Variants in ADAM11 observed in about 807,000 individuals in gnomAD.
ADAM11 encodes ADAM metallopeptidase domain 11, also known as disintegrin and metalloproteinase domain-containing protein 11.
Under a neutral mutation model 119.1 loss-of-function variants are expected in ADAM11, and 49 were observed. The observed-to-expected ratio is 0.41, with a 90% CI of 0.33 to 0.52. The LOEUF (loss-of-function observed/expected upper bound fraction) is 0.52, where lower values mean the gene tolerates loss of function less well. Among genes scored for constraint, ADAM11 ranks in the 20% least tolerant of loss-of-function variants. The pLI is 0.20. For missense variants in ADAM11, 777 were observed against 1,047.5 expected (o/e 0.74, Z 3.56); for synonymous variants, 364 against 408.0 (o/e 0.89, Z 1.30).
chr17:44,761,170 C>A (rs2049384606), intron 2 of ADAM11, among the ~76,000 whole-genome samples: 1 of 126,148 alleles, frequency 7.9e-6, no homozygotes, highest in African/African-American at 2.5e-5. Flanking sequence ...GAACTGTGCA[C>A]CCCGTGGTTA....
Position 44,775,510 on chromosome 17 carries a change from G to T in ADAM11, c.1392+45G>T. On this transcript the variant is annotated intron_variant, in intron 16 of 26. Coordinates refer to ENST00000200557, the MANE Select transcript of ADAM11 (RefSeq NM_002390.6). The surrounding 1 kb of genome is among the most constrained non-coding windows in gnomAD (Gnocchi z 7.5). ...CCAGGTGGGGAACCGGGATGCGGGG[G>T]TGGGCACGAGGGAGCGTCTGAGTGG... 1 of 1,583,446 alleles carries T rather than the reference G, an allele frequency of 6.3e-7. No individual in the cohort carries two copies. The highest frequency in any genetic ancestry group is 2.3e-5 in the East Asian group (1 of 43,792).
In ADAM11 at chr17:44,778,176, T is replaced by A. The variant is rs2049632519; in HGVS notation, c.2210T>A (p.Ile737Asn). The change falls in exon 25 of 27, where the codon ATT (isoleucine) becomes AAT (asparagine). Residue 737 changes from isoleucine to asparagine, a missense_variant. Transcript: ENST00000200557. Reference protein sequence around the residue: ...YKGPSGTNIIIGSIAGAVLVA... With the variant: ...YKGPSGTNIINGSIAGAVLVA... ...GGTCCCAGCGGCACCAACATCATCATTGGCTCCATTGCTGGGGCTGTCCTG... is the reference window on the plus strand; with the variant it reads ...GGTCCCAGCGGCACCAACATCATCAATGGCTCCATTGCTGGGGCTGTCCTG... 6.2e-7 allele frequency: 1 copy of A among 1,613,702 alleles called. No individual in the cohort carries two copies. Among genetic ancestry groups the A allele is most frequent in the African/African-American group, 1.3e-5 (1 of 74,952 alleles).
At chr17:44,778,473 C>T (rs2049638113) in intron 25 of ADAM11, among the ~76,000 whole-genome samples, 1 of 152,042 alleles carries the variant, frequency 6.6e-6, no homozygotes, top group African/African-American at 2.4e-5. Flanking sequence ...AGGCGGATCA[C>T]CTGAGGTCAG....
intron 26 of ADAM11, 179 bp from the exon 27 acceptor site, chr17:44,779,560 G>A (rs1001185714): frequency 1.6e-5 from 16 of 985,262 alleles, no homozygotes; most frequent in South Asian, 4.7e-5. Context: ...CTCCCTGTGC[G>A]TCCCATCTGT....
In ADAM11 at chr17:44,780,186, A is replaced by G. The variant is rs999759647; in HGVS notation, c.*432A>G. On this transcript the variant is annotated 3_prime_UTR_variant, in exon 27 of 27. Transcript: ENST00000200557. ...CTAGGGGGACGGGGCTGACATCTAC[A>G]TTTTTTAAAACTGAATCTTAATCGA... is the stretch of plus-strand genomic sequence containing the variant. 2 of 493,684 alleles carry G rather than the reference A, an allele frequency of 4.1e-6. No homozygotes were observed. Among genetic ancestry groups the G allele is most frequent in the Non-Finnish European group, 7.8e-6 (2 of 256,950 alleles). 30.6% of individuals were successfully genotyped at this position (493,684 alleles called of 1,614,324 possible).
Position 44,759,945 on chromosome 17 carries a change from GC to G in ADAM11, c.237+52del, listed in dbSNP as rs764677703. Reference sequence around the variant, plus strand: ...GCCAGGGGCTGAAGCAGGCCTCAGAGCCCCAGGAAGCCCACGGGGTAACCAG... The same window carrying G: ...GCCAGGGGCTGAAGCAGGCCTCAGAGCCCAGGAAGCCCACGGGGTAACCAG... On this transcript the variant is annotated intron_variant, in intron 2 of 26. Transcript: ENST00000200557. 24 of 1,250,294 alleles carry G rather than the reference GC, an allele frequency of 1.9e-5. No homozygotes were observed. The East Asian group carries it at 7.2e-4, about 38-fold the overall frequency. 77.5% of individuals were successfully genotyped at this position (1,250,294 alleles called of 1,614,324 possible).
At chr17:44,771,050 G>A (rs969724123) in intron 4 of ADAM11, among the ~76,000 whole-genome samples, 1 of 152,136 alleles carries the variant, frequency 6.6e-6, no homozygotes, top group Non-Finnish European at 1.5e-5. Context: ...GGAGGCGGAG[G>A]TTGCAGTGAG....
chr17:44,764,163 T>C (rs897432222), intron 2 of ADAM11, among the ~76,000 whole-genome samples: 4 of 152,094 alleles, frequency 2.6e-5, no homozygotes, highest in African/African-American at 4.8e-5. Context: ...ACCTGGTACA[T>C]AGAAGCTCAT....
Position 44,777,481 on chromosome 17 carries a change from G to T in ADAM11, c.1782-1G>T. The T allele has an allele frequency of 6.2e-7, 1 of 1,614,118 alleles. No individual in the cohort carries two copies. Among genetic ancestry groups the T allele is most frequent in the Non-Finnish European group, 8.5e-7 (1 of 1,179,976 alleles). On this transcript the variant is annotated splice_acceptor_variant, in intron 21 of 26. Transcript: ENST00000200557. LOFTEE classifies it high-confidence loss of function. The surrounding 1 kb of genome is among the most constrained non-coding windows in gnomAD (Gnocchi z 5.1). Reference sequence around the variant, plus strand: ...CTCACTGTCTCTATATGCCCCAACAGGGACGTGCTGTGTGGCTTCCTCCTC... The same window carrying T: ...CTCACTGTCTCTATATGCCCCAACATGGACGTGCTGTGTGGCTTCCTCCTC...
chr17:44,770,337 C>G (rs369790922), intron 4 of ADAM11, among the ~76,000 whole-genome samples: 1 of 152,326 alleles, frequency 6.6e-6, no homozygotes, highest in Middle Eastern at 3.4e-3. Context: ...AGGAATCCCC[C>G]TCTCCAGACT....
At chr17:44,779,503 G>A in intron 26 of ADAM11, 1 of 985,400 alleles carries the variant, frequency 1.0e-6, no homozygotes, top group South Asian at 4.7e-5. Flanking sequence ...CTGCCACCAG[G>A]TGGAACTGGA....
In ADAM11 at chr17:44,779,732, G is replaced by T; in HGVS notation, c.2295-7G>T. 1 of 1,596,052 alleles carries T rather than the reference G, an allele frequency of 6.3e-7. No homozygotes were observed. The highest frequency in any genetic ancestry group is 8.5e-7 in the Non-Finnish European group (1 of 1,175,216). On this transcript the variant is annotated splice_polypyrimidine_tract_variant and splice_region_variant and intron_variant, in intron 26 of 26. Coordinates refer to ENST00000200557, the MANE Select transcript of ADAM11 (RefSeq NM_002390.6). ...CGTCCTCCCCTGATGCCCCCTCTCC[G>T]TTCCAGGTCCGGAGGGGCCTAAGTG...
chr17:44,776,296 T>TC lies in ADAM11; in HGVS notation c.1566+93dup. On this transcript the variant is annotated intron_variant, in intron 18 of 26. Coordinates refer to ENST00000200557, the MANE Select transcript of ADAM11 (RefSeq NM_002390.6). The surrounding 1 kb of genome is among the most constrained non-coding windows in gnomAD (Gnocchi z 5.2). ...GTTTTCCCGGACGAGTGCTCAGCAC[T>TC]CCCCTCCTCTCCACAGCTGGCATCG... is the stretch of plus-strand genomic sequence containing the variant. 1 of 1,377,138 alleles carries TC rather than the reference T, an allele frequency of 7.3e-7. No individual in the cohort carries two copies. The highest frequency in any genetic ancestry group is 2.3e-5 in the East Asian group (1 of 43,348). The allele number at this position is 1,377,138 out of a possible 1,614,324, so 85.3% of individuals were successfully genotyped here.
rs1740269454 is a variant in ADAM11, at chr17:44,773,936, C to T, written c.993-359C>T. Among the ~76,000 whole-genome samples the T allele has an allele frequency of 6.6e-6, 1 of 152,098 alleles. No individual in the cohort carries two copies. On this transcript the variant is annotated intron_variant, in intron 11 of 26. Transcript: ENST00000200557. The surrounding 1 kb of genome is among the most constrained non-coding windows in gnomAD (Gnocchi z 4.6). Reference sequence around the variant, plus strand: ...CATGGTGAAACCCCATCTCAAAATACAAAAATTAGCCAGGCGTGGTGGTGT... The same window carrying T: ...CATGGTGAAACCCCATCTCAAAATATAAAAATTAGCCAGGCGTGGTGGTGT...
In ADAM11 at chr17:44,773,107, C is replaced by T; in HGVS notation, c.825+22C>T. The T allele has an allele frequency of 1.9e-6, 3 of 1,610,674 alleles. No homozygotes were observed. Among genetic ancestry groups the T allele is most frequent in the African/African-American group, 1.3e-5 (1 of 74,810 alleles). Reference sequence around the variant, plus strand: ...TGTGGTAAGCAGCTCTCCCTCCCTCCCTTCCCTCCTCCTCATGCCCCCCAC... The same window carrying T: ...TGTGGTAAGCAGCTCTCCCTCCCTCTCTTCCCTCCTCCTCATGCCCCCCAC... On this transcript the variant is annotated intron_variant, in intron 10 of 26. Coordinates refer to ENST00000200557, the MANE Select transcript of ADAM11 (RefSeq NM_002390.6). This position sits in a 1 kb window ranked among gnomAD's most constrained non-coding sequence, Gnocchi z 4.6.
rs759804562 is a variant in ADAM11, at chr17:44,777,728, C to A, written c.1935C>A (p.Asp645Glu). 1.4e-5 allele frequency: 23 copies of A among 1,613,884 alleles called. No individual in the cohort carries two copies. Among genetic ancestry groups the A allele is most frequent in the Non-Finnish European group, 1.9e-5 (22 of 1,179,990 alleles). The change falls in exon 23 of 27, where the codon GAC becomes GAA. Residue 645 changes from aspartate (D) to glutamate (E), a missense_variant. Asp to Glu is a conservative substitution (Grantham distance 45). Transcript: ENST00000200557. This position sits in a 1 kb window ranked among gnomAD's most constrained non-coding sequence, Gnocchi z 5.1. ...GGHVQLADGS[D>E]LSYVEDGTAC... The stretch of plus-strand genomic sequence containing the variant: ...ACGTGCAGCTGGCGGACGGCTCTGA[C>A]CTGAGCTATGTGGAGGATGGCACAG...
chr17:44,779,359 C>T, intron 26 of ADAM11, 120 bp downstream of exon 26: 1 of 1,466,918 alleles, frequency 6.8e-7, no homozygotes. Context: ...GGGGCTGATT[C>T]CCCCACCCCT....
Position 44,780,602 on chromosome 17 carries a change from T to G in ADAM11, c.*848T>G. ...TAGTTCCTATAATAAAATGGCACCT[T>G]CCCCCTTTCAAGAAGGGTGATTCTG... On this transcript the variant is annotated 3_prime_UTR_variant, in exon 27 of 27. Coordinates refer to ENST00000200557, the MANE Select transcript of ADAM11 (RefSeq NM_002390.6). 1 of 169,978 alleles carries G rather than the reference T, an allele frequency of 5.9e-6. No homozygotes were observed. The highest frequency in any genetic ancestry group is 1.2e-5 in the Non-Finnish European group (1 of 80,152). 10.5% of individuals were successfully genotyped at this position (169,978 alleles called of 1,614,324 possible). A position where few individuals can be genotyped will look rare whatever the true frequency, so the allele number is the denominator to read the frequency against.
intron 2 of ADAM11, among the ~76,000 whole-genome samples, chr17:44,767,515 C>G (rs573474653): frequency 6.6e-6 from 1 of 152,122 alleles, no homozygotes; most frequent in Non-Finnish European, 1.5e-5. Flanking sequence ...CATCTCTTCC[C>G]TCAGACCAGG....
Sources: allele counts gnomAD v4.1 joint callset (sites outside exome capture counted in the v4.1 genomes callset), GRCh38; gene constraint gnomAD v4.1.1; non-coding constraint Gnocchi (gnomAD v3.1); transcripts MANE v1.5; gene names NCBI Gene and HGNC (gene_info 2026-07-23, HGNC 2026-07-21).